Variants in EIF2AK4 observed in about 807,000 individuals in gnomAD.
EIF2AK4 encodes the protein eIF-2-alpha kinase GCN2.
EIF2AK4 carries 139 observed loss-of-function variants against 211.1 expected under a neutral mutation model. The ratio of observed to expected loss-of-function variants is 0.66; its 90% CI spans 0.57 to 0.76. The LOEUF (loss-of-function observed/expected upper bound fraction) is 0.76, where lower values mean the gene tolerates loss of function less well. EIF2AK4 is among the 30% of genes least tolerant of loss of function. The pLI, the probability that EIF2AK4 is intolerant of heterozygous loss-of-function variation, is 0.00. For synonymous variants in EIF2AK4, 710 were observed against 751.3 expected (o/e 0.94, Z 0.90); for missense variants, 1,664 against 2,043.8 (o/e 0.81, Z 3.58).
intron 13 of EIF2AK4, among the ~76,000 whole-genome samples, chr15:39,984,132 T>C (rs1312906033): frequency 1.3e-5 from 2 of 151,992 alleles, no homozygotes; most frequent in Non-Finnish European, 1.5e-5. Flanking sequence ...TGCTTGTTTT[T>C]GTCAGGTTTG....
intron 13 of EIF2AK4, 27 bp downstream of exon 13, chr15:39,978,174 AT>A: frequency 7.6e-7 from 1 of 1,324,444 alleles, no homozygotes; most frequent in Non-Finnish European, 1.1e-6. Flanking sequence ...AAATTATATC[AT>A]TTTATTCGTG....
At chr15:40,002,311 C>T (rs2035103970) in intron 21 of EIF2AK4, 2 of 159,274 alleles carry the variant, frequency 1.3e-5, no homozygotes, top group Non-Finnish European at 2.7e-5. Context: ...TATGTAAATG[C>T]CATGTAGCTT....
chr15:39,990,711 T>C (rs2140927583), intron 16 of EIF2AK4, among the ~76,000 whole-genome samples: 1 of 152,302 alleles, frequency 6.6e-6, no homozygotes. Flanking sequence ...GAGGCTTTTG[T>C]TGGTTTGGGG....
chr15:40,029,528 C>A, intron 34 of EIF2AK4, 64 bp downstream of exon 34: 1 of 1,480,220 alleles, frequency 6.8e-7, no homozygotes, highest in Non-Finnish European at 9.2e-7. Flanking sequence ...GCACTTATTA[C>A]TGTAGCTAAC....
intron 1 of EIF2AK4, among the ~76,000 whole-genome samples, chr15:39,939,196 T>G (rs2034109681): frequency 6.6e-6 from 1 of 152,166 alleles, no homozygotes; most frequent in African/African-American, 2.4e-5. Flanking sequence ...TCTGTCTAAA[T>G]TTACCCCTGC....
At chr15:40,000,364 C>A (rs556595402) in intron 20 of EIF2AK4, among the ~76,000 whole-genome samples, 1 of 152,238 alleles carries the variant, frequency 6.6e-6, no homozygotes, top group East Asian at 1.9e-4. Context: ...TCAAATATTT[C>A]TCTAACTCCT....
At chr15:39,955,451 A>G (rs995494845) in intron 5 of EIF2AK4, among the ~76,000 whole-genome samples, 169 bp from the exon 6 acceptor site, 4 of 152,214 alleles carry the variant, frequency 2.6e-5, no homozygotes, top group East Asian at 1.9e-4. Context: ...GAAACATTCA[A>G]TATCCTCCTT....
At chr15:40,018,618 G>C (rs2035341716) in intron 29 of EIF2AK4, among the ~76,000 whole-genome samples, 1 of 152,102 alleles carries the variant, frequency 6.6e-6, no homozygotes, top group East Asian at 1.9e-4. Context: ...CACCACACCT[G>C]ACCTGTAATT....
intron 20 of EIF2AK4, among the ~76,000 whole-genome samples, chr15:39,999,597 C>T (rs1194529548): frequency 6.6e-6 from 1 of 152,188 alleles, no homozygotes; most frequent in Non-Finnish European, 1.5e-5. Context: ...TAATTTCCCT[C>T]ACCTATAAAA....
intron 26 of EIF2AK4, among the ~76,000 whole-genome samples, chr15:40,010,158 C>T (rs1237802412): frequency 6.6e-6 from 1 of 152,210 alleles, no homozygotes; most frequent in African/African-American, 2.4e-5. Flanking sequence ...TTGTTCTGAG[C>T]TCCTCTGATG....
At chr15:40,021,293 C>G (rs966403012) in intron 31 of EIF2AK4, among the ~76,000 whole-genome samples, 1 of 152,190 alleles carries the variant, frequency 6.6e-6, no homozygotes, top group African/African-American at 2.4e-5. Flanking sequence ...CTGGGAAGCT[C>G]TAGGGGAGAA....
At chr15:39,976,943 T>C (rs2034706781) in intron 12 of EIF2AK4, 99 bp downstream of exon 12, 9 of 1,347,058 alleles carry the variant, frequency 6.7e-6, no homozygotes, top group African/African-American at 1.5e-5. Flanking sequence ...CTTCCTTCTT[T>C]CCTTCTTTTC....
At chr15:40,029,792 GAAATCCC>G (rs2035514699) in intron 34 of EIF2AK4, among the ~76,000 whole-genome samples, 1 of 152,188 alleles carries the variant, frequency 6.6e-6, no homozygotes, top group African/African-American at 2.4e-5. Context: ...GAAGTATTTT[GAAATCCC>G]TTGAAGAAGG....
intron 7 of EIF2AK4, among the ~76,000 whole-genome samples, chr15:39,963,855 T>C (rs138964985): frequency 2.0e-5 from 3 of 152,324 alleles, no homozygotes; most frequent in African/African-American, 4.8e-5. Context: ...CCAGCAACTA[T>C]GAAATGCCTG....
chr15:39,993,076 TCATCCATC>T (rs879298953), intron 18 of EIF2AK4, among the ~76,000 whole-genome samples: 6 of 66,450 alleles, frequency 9.0e-5, no homozygotes, highest in Non-Finnish European at 2.0e-4. Context: ...ATCCATCCAT[TCATCCATC>T]CATCCATCCA....
intron 2 of EIF2AK4, among the ~76,000 whole-genome samples, chr15:39,941,558 G>A (rs2034145075): frequency 6.6e-6 from 1 of 152,004 alleles, no homozygotes; most frequent in Non-Finnish European, 1.5e-5. Flanking sequence ...TAAAGAAAAA[G>A]GTATAAGTGC....
intron 14 of EIF2AK4, among the ~76,000 whole-genome samples, chr15:39,987,062 G>A (rs2034876048): frequency 6.6e-6 from 1 of 152,222 alleles, no homozygotes; most frequent in South Asian, 2.1e-4. Context: ...CTTTCCTGGA[G>A]TTGGAGCTGG....
At chr15:39,977,042 G>A in intron 12 of EIF2AK4, 198 bp downstream of exon 12, 1 of 522,668 alleles carries the variant, frequency 1.9e-6, no homozygotes, top group South Asian at 5.2e-5. Context: ...CGCCTCCCGG[G>A]CCAGCGAATG....
chr15:39,987,162 T>TTA (rs1158025644), intron 14 of EIF2AK4, among the ~76,000 whole-genome samples: 1 of 152,224 alleles, frequency 6.6e-6, no homozygotes, highest in Non-Finnish European at 1.5e-5. Flanking sequence ...TTATCCTCTA[T>TTA]TATATTCCAT....
Sources: allele counts gnomAD v4.1 joint callset (sites outside exome capture counted in the v4.1 genomes callset), GRCh38; gene constraint gnomAD v4.1.1; transcripts MANE v1.5; gene names NCBI Gene and HGNC (gene_info 2026-07-23, HGNC 2026-07-21).